The following HMGCLL1 variants were observed in gnomAD, a reference collection of about 807,000 sequenced individuals.
HMGCLL1 encodes the protein 3-hydroxymethyl-3-methylglutaryl-CoA lyase, cytoplasmic.
HMGCLL1 carries 36 observed loss-of-function variants against 39.1 expected under a neutral mutation model. The ratio of observed to expected loss-of-function variants is 0.92; its 90% CI spans 0.71 to 1.22. The LOEUF is 1.22. Ranked by LOEUF, HMGCLL1 falls within the 50% of genes most tolerant of loss-of-function variation. The pLI, the probability that HMGCLL1 is intolerant of heterozygous loss-of-function variation, is 0.00. For synonymous variants in HMGCLL1, 149 were observed against 144.0 expected (o/e 1.03, Z -0.25); for missense variants, 451 against 416.5 (o/e 1.08, Z -0.72).
At position 55,536,438 on chromosome 6, in the gene HMGCLL1, G is replaced by A. The variant is rs140363286; in HGVS notation, c.297+5291C>T. Reference sequence around the variant, plus strand: ...TGAATAAAATATTTACAATCAAATGGCTAAACTAAAGATGAATGTAAAACT... The same window carrying A: ...TGAATAAAATATTTACAATCAAATGACTAAACTAAAGATGAATGTAAAACT... On this transcript the variant is annotated intron_variant, in intron 3 of 8. Transcript: ENST00000274901. 2.1e-3 allele frequency among the ~76,000 whole-genome samples: 314 copies of A among 152,096 alleles called. 13 individuals carry two copies. In the East Asian group the frequency reaches 0.053, roughly 26 times the overall value.
At chr6:55,443,765 AT>A (rs1763704608) in intron 7 of HMGCLL1, among the ~76,000 whole-genome samples, 1 of 152,208 alleles carries the variant, frequency 6.6e-6, no homozygotes. Flanking sequence ...ACTGACAACA[AT>A]TAAAAAAGAA....
chr6:55,480,768 G>A (rs1196624888), intron 7 of HMGCLL1, among the ~76,000 whole-genome samples: 1 of 149,670 alleles, frequency 6.7e-6, no homozygotes, highest in Non-Finnish European at 1.5e-5. Flanking sequence ...AAGATAATGT[G>A]GTGTATAGAC....
chr6:55,620,963 T>A, the HMGCLL1 span, among the ~76,000 whole-genome samples: 1 of 152,178 alleles, frequency 6.6e-6, no homozygotes, highest in Non-Finnish European at 1.5e-5. Flanking sequence ...GTGTTCCATG[T>A]GCTTTTCCAT....
chr6:55,493,749 T>C (rs1766438740), intron 7 of HMGCLL1, among the ~76,000 whole-genome samples: 1 of 151,928 alleles, frequency 6.6e-6, no homozygotes. Context: ...GTTTTTTTTT[T>C]TGAGAAGGAG....
chr6:55,554,432 T>G (rs1312901023), intron 1 of HMGCLL1, among the ~76,000 whole-genome samples: 1 of 151,862 alleles, frequency 6.6e-6, no homozygotes, highest in Non-Finnish European at 1.5e-5. Context: ...AGGATAAGGT[T>G]TGAATTGACC....
At chr6:55,613,959 G>A in the HMGCLL1 span, among the ~76,000 whole-genome samples, 1 of 151,966 alleles carries the variant, frequency 6.6e-6, no homozygotes, top group Non-Finnish European at 1.5e-5. Flanking sequence ...AAAAGAAAAA[G>A]CACTAATACT....
At chr6:55,458,545 G>T (rs1344067299) in intron 7 of HMGCLL1, among the ~76,000 whole-genome samples, 2 of 152,146 alleles carry the variant, frequency 1.3e-5, no homozygotes, top group African/African-American at 2.4e-5. Context: ...AATGAAGACG[G>T]TCAGAACAAA....
the HMGCLL1 span, among the ~76,000 whole-genome samples, chr6:55,657,927 G>C: frequency 1.3e-3 from 197 of 151,950 alleles, no homozygotes; most frequent in African/African-American, 4.5e-3. Flanking sequence ...GTGGAAGGAG[G>C]GGGGAGGATC....
the HMGCLL1 span, among the ~76,000 whole-genome samples, chr6:55,656,666 A>G: frequency 6.6e-6 from 1 of 152,124 alleles, no homozygotes; most frequent in East Asian, 1.9e-4. Context: ...ATGCCCACTG[A>G]ATTATGATGC....
At chr6:55,546,364 C>T (rs1769975702) in intron 1 of HMGCLL1, among the ~76,000 whole-genome samples, 4 of 152,090 alleles carry the variant, frequency 2.6e-5, no homozygotes, top group Admixed American at 2.6e-4. Context: ...TCTATGAGTA[C>T]TTCTTTGCTT....
chr6:55,634,539 C>T, the HMGCLL1 span, among the ~76,000 whole-genome samples: 3 of 152,128 alleles, frequency 2.0e-5, no homozygotes, highest in Non-Finnish European at 4.4e-5. Flanking sequence ...AATGACATTT[C>T]TAAAATGACT....
the HMGCLL1 span, among the ~76,000 whole-genome samples, chr6:55,660,670 A>T: frequency 6.6e-6 from 1 of 151,988 alleles, no homozygotes; most frequent in Non-Finnish European, 1.5e-5. Flanking sequence ...TAGTGTTGCA[A>T]TGAACAAACA....
At chr6:55,488,587 T>A (rs141732043) in intron 7 of HMGCLL1, among the ~76,000 whole-genome samples, 2,190 of 152,124 alleles carry the variant, frequency 0.014, 30 homozygotes, top group Non-Finnish European at 0.024. Flanking sequence ...ATAGAAATAA[T>A]TTATATTGTA....
chr6:55,454,878 T>A (rs4236131), intron 7 of HMGCLL1, among the ~76,000 whole-genome samples: 8 of 152,042 alleles, frequency 5.3e-5, no homozygotes, highest in East Asian at 1.9e-4. Context: ...GGGGGTAAAC[T>A]TCAGAATTCA....
At chr6:55,537,198 A>T (rs1233378371) in intron 3 of HMGCLL1, among the ~76,000 whole-genome samples, 1 of 152,178 alleles carries the variant, frequency 6.6e-6, no homozygotes, top group African/African-American at 2.4e-5. Flanking sequence ...CAAATTGGAA[A>T]AGTAGAATAT....
rs1270103299 is a variant in HMGCLL1, at chr6:55,434,778, A to C, written c.*884T>G. On this transcript the variant is annotated 3_prime_UTR_variant, in exon 9 of 9. Transcript: ENST00000274901. Reference sequence around the variant, plus strand: ...TGAATAAAAGGAAAATGGGTATTTCATTAACCTAAAATTATCTTAATATTC... The same window carrying C: ...TGAATAAAAGGAAAATGGGTATTTCCTTAACCTAAAATTATCTTAATATTC... The C allele has an allele frequency of 6.6e-6, 1 of 152,124 alleles. No individual in the cohort carries two copies. The highest frequency in any genetic ancestry group is 1.5e-5 in the Non-Finnish European group (1 of 67,996). 9.4% of individuals were successfully genotyped at this position (152,124 alleles called of 1,614,324 possible). A position where few individuals can be genotyped will look rare whatever the true frequency, so the allele number is the denominator to read the frequency against.
Position 55,500,297 on chromosome 6 carries a change from ATT to A in HMGCLL1, c.543-1000_543-999del, listed in dbSNP as rs568530148. On this transcript the variant is annotated intron_variant, in intron 5 of 8. Coordinates refer to ENST00000274901, the MANE Select transcript of HMGCLL1 (RefSeq NM_001042406.2). ...TTACGTAAGGTAGTGGCAAGATCAG[ATT>A]TGTTTCCCAGAAATATAACTCTGTG... Among the ~76,000 whole-genome samples the A allele has an allele frequency of 8.0e-4, 121 of 152,120 alleles. 1 individual carries two copies. Among genetic ancestry groups the A allele is most frequent in the Admixed American group, 3.5e-3 (54 of 15,224 alleles).
At chr6:55,445,524 T>C (rs930772340) in intron 7 of HMGCLL1, among the ~76,000 whole-genome samples, 1 of 152,028 alleles carries the variant, frequency 6.6e-6, no homozygotes, top group Non-Finnish European at 1.5e-5. Context: ...TTGAAAATAA[T>C]AGACAGGCCA....
chr6:55,517,611 A>G (rs1174376641), intron 3 of HMGCLL1, among the ~76,000 whole-genome samples: 1 of 151,974 alleles, frequency 6.6e-6, no homozygotes, highest in Non-Finnish European at 1.5e-5. Flanking sequence ...TTAAAAAATT[A>G]AAAGCAAATA....
Sources: allele counts gnomAD v4.1 joint callset (sites outside exome capture counted in the v4.1 genomes callset), GRCh38; gene constraint gnomAD v4.1.1; transcripts MANE v1.5; gene names NCBI Gene and HGNC (gene_info 2026-07-23, HGNC 2026-07-21).